Variants in KAZN observed in about 807,000 individuals in gnomAD.
KAZN encodes the protein kazrin.
In KAZN, 40 loss-of-function variants were observed where a neutral mutation model predicts 87.4. That is an observed-to-expected ratio of 0.46 (90% CI 0.36 to 0.60). The LOEUF (loss-of-function observed/expected upper bound fraction) is 0.60. Among genes scored for constraint, KAZN ranks in the 20% least tolerant of loss-of-function variants. The pLI is 0.00. For missense variants in KAZN, 898 were observed against 1,073.9 expected, an observed-to-expected ratio of 0.84 and a Z score of 2.29; for synonymous variants, 466 against 458.3, an observed-to-expected ratio of 1.02 and a Z score of -0.22.
chr1:14,571,179 G>A (rs1029052352), intron 2 of KAZN, among the ~76,000 whole-genome samples: 27 of 150,522 alleles, frequency 1.8e-4, no homozygotes, highest in African/African-American at 6.4e-4. Context: ...TTGTAGAAAC[G>A]TACATAGAAT....
chr1:14,883,628 G>A (rs1339058355), intron 1 of KAZN, among the ~76,000 whole-genome samples: 1 of 151,886 alleles, frequency 6.6e-6, no homozygotes, highest in Admixed American at 6.6e-5. Context: ...TTAGAATAAT[G>A]TACCTGCACA....
chr1:14,538,168 A>C (rs1013671556), intron 2 of KAZN, among the ~76,000 whole-genome samples: 1 of 152,196 alleles, frequency 6.6e-6, no homozygotes, highest in Non-Finnish European at 1.5e-5. Context: ...AAGAAATGAC[A>C]ATTTTCCATC....
chr1:15,090,441 A>C (rs1452952628), intron 8 of KAZN, among the ~76,000 whole-genome samples: 1 of 152,198 alleles, frequency 6.6e-6, no homozygotes, highest in African/African-American at 2.4e-5. Context: ...CCTGTGCCTG[A>C]TCCAAAAGAC....
intron 1 of KAZN, among the ~76,000 whole-genome samples, chr1:14,815,807 T>C (rs1646545588): frequency 6.6e-6 from 1 of 152,142 alleles, no homozygotes; most frequent in Non-Finnish European, 1.5e-5. Context: ...CATATCCACA[T>C]CAGGCAGTGA....
intron 1 of KAZN, among the ~76,000 whole-genome samples, chr1:14,682,728 A>T (rs1453855761): frequency 6.6e-6 from 1 of 152,194 alleles, no homozygotes; most frequent in African/African-American, 2.4e-5. Flanking sequence ...ACCTTGCCCT[A>T]AACTATAAAT....
chr1:13,935,986 G>T (rs1165047424), intron 1 of KAZN, among the ~76,000 whole-genome samples: 1 of 146,986 alleles, frequency 6.8e-6, no homozygotes, highest in South Asian at 2.2e-4. Flanking sequence ...TATATGATTT[G>T]TATATATCAT....
chr1:14,911,263 C>G (rs927655121), intron 1 of KAZN, among the ~76,000 whole-genome samples: 1 of 152,258 alleles, frequency 6.6e-6, no homozygotes, highest in Non-Finnish European at 1.5e-5. Flanking sequence ...TAAGCAATCA[C>G]GTTCCCTCTC....
intron 2 of KAZN, among the ~76,000 whole-genome samples, chr1:14,453,206 C>T (rs373506302): frequency 9.3e-4 from 141 of 152,152 alleles, no homozygotes; most frequent in African/African-American, 2.6e-3. Context: ...CCGCCCGCCT[C>T]GGCCTCCCAA....
intron 2 of KAZN, among the ~76,000 whole-genome samples, chr1:15,023,670 G>A (rs1392533249): frequency 2.0e-5 from 3 of 151,946 alleles, no homozygotes; most frequent in Non-Finnish European, 2.9e-5. Context: ...GACATGGTCT[G>A]AGCTGCCTTT....
chr1:14,888,249 A>C (rs1467194301), intron 1 of KAZN, among the ~76,000 whole-genome samples: 1 of 152,108 alleles, frequency 6.6e-6, no homozygotes, highest in African/African-American at 2.4e-5. Context: ...TTCCTCTCTC[A>C]TCAGTCTCCC....
chr1:14,163,866 A>G (rs4661478), intron 1 of KAZN, among the ~76,000 whole-genome samples: 98,095 of 152,150 alleles, frequency 0.64, 33,267 homozygotes, highest in African/African-American at 0.86. Context: ...ACGTAGCAAG[A>G]ACCTTCTGTC....
In KAZN at chr1:14,820,233, C is replaced by G. The variant is rs1367771126; in HGVS notation, c.227-140451C>G. 6.6e-6 allele frequency among the ~76,000 whole-genome samples: 1 copy of G among 152,210 alleles called. No individual in the cohort carries two copies. The highest frequency in any genetic ancestry group is 1.5e-5 in the Non-Finnish European group (1 of 68,040). On this transcript the variant is annotated intron_variant, in intron 1 of 14. Coordinates refer to ENST00000376030, the MANE Select transcript of KAZN (RefSeq NM_201628.3). This position sits in a 1 kb window ranked among gnomAD's most constrained non-coding sequence, Gnocchi z 4.1. ...GGGGCTGGTGCTGCTGGTCAAAGAT[C>G]ACCATTAGAGCAATGCTGGATCATC...
intron 2 of KAZN, among the ~76,000 whole-genome samples, chr1:14,386,647 T>C (rs527433000): frequency 1.3e-5 from 2 of 152,154 alleles, no homozygotes; most frequent in African/African-American, 4.8e-5. Context: ...TGGCCCCCAC[T>C]CTCTTCTGGT....
chr1:14,783,848 G>C (rs1160469095), intron 1 of KAZN, among the ~76,000 whole-genome samples: 1 of 152,134 alleles, frequency 6.6e-6, no homozygotes, highest in Non-Finnish European at 1.5e-5. Context: ...TGGGGGTGGA[G>C]GACTTGAGGC....
intron 1 of KAZN, among the ~76,000 whole-genome samples, chr1:13,931,457 T>TGTGTGTGTGCATGC (rs1330884958): frequency 6.6e-6 from 1 of 151,504 alleles, no homozygotes; most frequent in Non-Finnish European, 1.5e-5. Flanking sequence ...GGTGTGTGTG[T>TGTGTGTGTGCATGC]GTGTGTGTGC....
chr1:14,218,504 C>A (rs1316151151), intron 2 of KAZN, among the ~76,000 whole-genome samples: 2 of 152,102 alleles, frequency 1.3e-5, no homozygotes, highest in Non-Finnish European at 1.5e-5. Flanking sequence ...CATACACATA[C>A]CTCGTTAGCA....
At position 14,536,200 on chromosome 1, in the gene KAZN, T is replaced by C. The variant is rs563952976; in HGVS notation, c.250-62783T>C. Among the ~76,000 whole-genome samples, 3 of 152,328 alleles carry C rather than the reference T, an allele frequency of 2.0e-5. No homozygotes were observed. The East Asian group carries it at 5.8e-4, about 29-fold the overall frequency. ...AACACTGAGTAACGACTTCTGGTCT[T>C]CCTGGTTTAAATCATTTGGAATGGA... On this transcript the variant is annotated intron_variant, in intron 2 of 16. Coordinates refer to the KAZN transcript ENST00000636203.
intron 1 of KAZN, among the ~76,000 whole-genome samples, chr1:14,902,924 A>AG (rs55662418): frequency 0.98 from 147,557 of 150,630 alleles, 72,322 homozygotes; most frequent in Non-Finnish European, 1. Flanking sequence ...GCTGGAGTGC[A>AG]TGTCATGATC....
intron 2 of KAZN, among the ~76,000 whole-genome samples, chr1:15,031,600 G>GTGTTGT (rs56385726): frequency 6.6e-6 from 1 of 150,688 alleles, no homozygotes; most frequent in Non-Finnish European, 1.5e-5. Context: ...GTGTTGTGTT[G>GTGTTGT]GTTTGCTTTG....
Sources: allele counts gnomAD v4.1 joint callset (sites outside exome capture counted in the v4.1 genomes callset), GRCh38; gene constraint gnomAD v4.1.1; non-coding constraint Gnocchi (gnomAD v3.1); transcripts MANE v1.5; gene names NCBI Gene and HGNC (gene_info 2026-07-23, HGNC 2026-07-21).